Variants in TMOD3 observed in about 807,000 individuals in gnomAD.
The protein encoded by TMOD3 is tropomodulin-3.
TMOD3 carries 20 observed loss-of-function variants against 39.2 expected under a neutral mutation model. The observed-to-expected ratio is 0.51, with a 90% CI of 0.36 to 0.74. TMOD3 has a LOEUF of 0.74. TMOD3 is among the 30% of genes least tolerant of loss of function. The pLI is 0.00. For missense variants in TMOD3, 381 were observed against 412.8 expected, an observed-to-expected ratio of 0.92 and a Z score of 0.67; for synonymous variants, 143 against 145.8, an observed-to-expected ratio of 0.98 and a Z score of 0.14.
At chr15:51,879,770 C>G (rs1417216806) in intron 3 of TMOD3, among the ~76,000 whole-genome samples, 1 of 151,910 alleles carries the variant, frequency 6.6e-6, no homozygotes, top group East Asian at 1.9e-4. Context: ...TTAAGGAACA[C>G]TGACAGAGAT....
At chr15:51,887,814 G>A in intron 4 of TMOD3, 103 bp downstream of exon 4, 1 of 1,421,556 alleles carries the variant, frequency 7.0e-7, no homozygotes, top group Middle Eastern at 1.8e-4. Flanking sequence ...TACCTAGCAA[G>A]TACTGTTAAA....
chr15:51,883,326 A>G (rs2056543781), intron 3 of TMOD3, among the ~76,000 whole-genome samples: 1 of 152,224 alleles, frequency 6.6e-6, no homozygotes, highest in South Asian at 2.1e-4. Context: ...GAAATTAGGT[A>G]CGAATAATGC....
At position 51,857,122 on chromosome 15, in the gene TMOD3, A is replaced by G. The variant is rs183241699; in HGVS notation, c.-74-5689A>G. 2.6e-5 allele frequency among the ~76,000 whole-genome samples: 4 copies of G among 152,364 alleles called. No individual in the cohort carries two copies. The East Asian group carries it at 7.7e-4, about 29-fold the overall frequency. On this transcript the variant is annotated intron_variant, in intron 1 of 9. Transcript: ENST00000308580. ...TGAACAACATTAAATGAAAAAAGCAAGTCACAGAAGGGTGCATACTCTGCG... is the reference window on the plus strand; with the variant it reads ...TGAACAACATTAAATGAAAAAAGCAGGTCACAGAAGGGTGCATACTCTGCG...
chr15:51,906,218 A>C (rs1443577784), intron 9 of TMOD3, among the ~76,000 whole-genome samples: 1 of 152,126 alleles, frequency 6.6e-6, no homozygotes, highest in Non-Finnish European at 1.5e-5. Context: ...CTAATAGATA[A>C]AGATTGAAAA....
At chr15:51,850,920 G>A (rs887523878) in intron 1 of TMOD3, among the ~76,000 whole-genome samples, 3 of 152,156 alleles carry the variant, frequency 2.0e-5, no homozygotes, top group Non-Finnish European at 4.4e-5. Flanking sequence ...TTTTAGGAGA[G>A]ACAGGGGTTT....
chr15:51,869,396 C>A, intron 3 of TMOD3, 23 bp downstream of exon 3: 3 of 1,604,348 alleles, frequency 1.9e-6, no homozygotes, highest in South Asian at 2.3e-5. Flanking sequence ...ATTTTAAAGT[C>A]ATTATGTGGT....
chr15:51,864,989 A>G (rs1425201050), intron 2 of TMOD3, among the ~76,000 whole-genome samples: 2 of 152,008 alleles, frequency 1.3e-5, no homozygotes, highest in Admixed American at 6.6e-5. Flanking sequence ...AAAATAAAAA[A>G]CATGACTTTT....
Position 51,908,828 on chromosome 15 carries a change from C to T in TMOD3, c.*18C>T, listed in dbSNP as rs773859023. The T allele has an allele frequency of 1.3e-6, 2 of 1,596,604 alleles. No homozygotes were observed. The highest frequency in any genetic ancestry group is 1.7e-6 in the Non-Finnish European group (2 of 1,171,826). ...ACCAGTAAGTCTGCAAAGGTGTAAT[C>T]TTTGGAAGACTTCAGAAGATCACCA... On this transcript the variant is annotated 3_prime_UTR_variant, in exon 10 of 10. Transcript: ENST00000308580.
intron 3 of TMOD3, among the ~76,000 whole-genome samples, chr15:51,886,623 C>G (rs2056565395): frequency 6.6e-6 from 1 of 152,066 alleles, no homozygotes; most frequent in Non-Finnish European, 1.5e-5. Flanking sequence ...GCAGTACAGT[C>G]CAGCCTCGGC....
chr15:51,904,705 T>C (rs2056669332), intron 9 of TMOD3, among the ~76,000 whole-genome samples: 1 of 152,194 alleles, frequency 6.6e-6, no homozygotes, highest in Non-Finnish European at 1.5e-5. Flanking sequence ...GTAGACACTT[T>C]GCCTGCATTT....
At chr15:51,876,940 G>A (rs2056507414) in intron 3 of TMOD3, among the ~76,000 whole-genome samples, 1 of 152,106 alleles carries the variant, frequency 6.6e-6, no homozygotes, top group African/African-American at 2.4e-5. Context: ...GTGTGTGCCT[G>A]TAGTTCCAGT....
intron 3 of TMOD3, among the ~76,000 whole-genome samples, chr15:51,883,997 T>C (rs1221368995): frequency 6.6e-6 from 1 of 152,226 alleles, no homozygotes; most frequent in Non-Finnish European, 1.5e-5. Context: ...TAATAAAAGA[T>C]TAATCACCAG....
chr15:51,905,950 CAAAAAAAAAAAAAAAAA>C (rs869172248), intron 9 of TMOD3, among the ~76,000 whole-genome samples: 2 of 64,728 alleles, frequency 3.1e-5, no homozygotes, highest in African/African-American at 6.0e-5. Context: ...GACTCCGTCT[CAAAAAAAAAAAAAAAAA>C]AAAAAAAAAA....
intron 4 of TMOD3, 24 bp from the exon 5 acceptor site, chr15:51,889,028 TAAAA>T: frequency 6.8e-7 from 1 of 1,461,412 alleles, no homozygotes; most frequent in Non-Finnish European, 9.4e-7. Flanking sequence ...TTTAAAACAA[TAAAA>T]ACTTTCTTTT....
At chr15:51,859,720 A>G (rs983634292) in intron 1 of TMOD3, 7 of 487,002 alleles carry the variant, frequency 1.4e-5, no homozygotes, top group Non-Finnish European at 2.4e-5. Flanking sequence ...TGGCTATGTC[A>G]GGGCTCTTTG....
chr15:51,905,341 G>T (rs143683841), intron 9 of TMOD3, among the ~76,000 whole-genome samples: 37 of 152,256 alleles, frequency 2.4e-4, no homozygotes, highest in African/African-American at 8.7e-4. Context: ...ACAAAAATTA[G>T]CCAGGTGTGG....
At chr15:51,858,501 GT>G (rs1410675402) in intron 1 of TMOD3, 19 of 151,578 alleles carry the variant, frequency 1.3e-4, no homozygotes, top group African/African-American at 4.4e-4. Flanking sequence ...CACCAGACCT[GT>G]TTTGGGCAGT....
chr15:51,863,773 A>G (rs1042326251), intron 2 of TMOD3, among the ~76,000 whole-genome samples: 1 of 152,210 alleles, frequency 6.6e-6, no homozygotes, highest in African/African-American at 2.4e-5. Context: ...GATGGAGTTC[A>G]TTTTATAACG....
intron 1 of TMOD3, among the ~76,000 whole-genome samples, chr15:51,830,120 A>AC (rs1326366828): frequency 3.3e-5 from 5 of 151,716 alleles, no homozygotes; most frequent in Admixed American, 6.5e-5. Flanking sequence ...CGGGTTCGGG[A>AC]CCGGCCCCCT....
Sources: gnomAD v4.1 joint callset for allele counts (sites outside exome capture counted in the v4.1 genomes callset) on GRCh38, gnomAD v4.1.1 for gene constraint, MANE v1.5 for transcripts, NCBI Gene and HGNC (gene_info 2026-07-23, HGNC 2026-07-21) for gene names.